Variants in RASSF4 observed in about 807,000 individuals in gnomAD.
The protein encoded by RASSF4 is ras association domain-containing protein 4.
In RASSF4, 38 loss-of-function variants were observed where a neutral mutation model predicts 41.1. The ratio of observed to expected loss-of-function variants is 0.92; its 90% confidence interval spans 0.71 to 1.21. The LOEUF is 1.21. Ranked by LOEUF, RASSF4 falls within the 50% of genes most tolerant of loss-of-function variation. The pLI is 0.00. For missense variants in RASSF4, 414 were observed against 419.4 expected, an observed-to-expected ratio of 0.99 and a Z score of 0.11; for synonymous variants, 179 against 163.4, an observed-to-expected ratio of 1.10 and a Z score of -0.73.
In RASSF4 at chr10:44,987,646, G is replaced by A. The variant is rs58667296; in HGVS notation, c.532-1628G>A. Among the ~76,000 whole-genome samples the A allele has an allele frequency of 7.5e-4, 94 of 124,910 alleles. No homozygotes were observed. In the East Asian group the frequency reaches 0.02, roughly 27 times the overall value. 81.9% of individuals were successfully genotyped at this position (124,910 alleles called of 152,430 possible). A position where few individuals can be genotyped will look rare whatever the true frequency, so the allele number is the denominator to read the frequency against. Reference sequence around the variant, plus strand: ...GTGCACTTTTTTTTTTTTTTTTGCTGCACCTGCGGTTTCTGCAAATTGAAG... The same window carrying A: ...GTGCACTTTTTTTTTTTTTTTTGCTACACCTGCGGTTTCTGCAAATTGAAG... On this transcript the variant is annotated intron_variant, in intron 6 of 10. Transcript: ENST00000340258.
rs540670999 is a variant in RASSF4 at position 44,971,484 on chromosome 10, G to A, written c.63-289G>A. ...CAGGGAGGCTGCCAGGGCCTTACCT[G>A]TGATAGTGAAAGTGTCGGCACCCTG... On this transcript the variant is annotated intron_variant, in intron 2 of 10. Coordinates refer to ENST00000340258, the MANE Select transcript of RASSF4 (RefSeq NM_032023.4). 21 of 602,706 alleles carry A rather than the reference G, an allele frequency of 3.5e-5. No individual in the cohort carries two copies. The African/African-American group carries it at 3.8e-4, about 11-fold the overall frequency. 37.3% of individuals were successfully genotyped at this position (602,706 alleles called of 1,614,324 possible). A position where few individuals can be genotyped will look rare whatever the true frequency, so the allele number is the denominator to read the frequency against.
Position 44,990,999 on chromosome 10 carries a change from A to T in RASSF4, c.737A>T (p.His246Leu). 1 of 1,613,882 alleles carries T rather than the reference A, an allele frequency of 6.2e-7. No homozygotes were observed. The change falls in exon 9 of 11, where the codon CAT becomes CTT. Residue 246 changes from histidine (H) to leucine (L), a missense_variant. Transcript: ENST00000340258. ...CEYPLISRIL[H>L]GPCEKIARIF... ...TACCCGCTGATTTCCAGAATCCTGC[A>T]TGGGCCATGTGAGAAGATCGCCAGG...
chr10:44,962,915 C>T (rs531705572), intron 1 of RASSF4, among the ~76,000 whole-genome samples: 2 of 152,330 alleles, frequency 1.3e-5, no homozygotes, highest in Admixed American at 6.5e-5. Context: ...ACTGGGAAGG[C>T]TGGTCTGCGA....
intron 3 of RASSF4, among the ~76,000 whole-genome samples, chr10:44,972,827 T>C (rs909876773): frequency 2.0e-5 from 3 of 152,222 alleles, no homozygotes; most frequent in African/African-American, 7.2e-5. Flanking sequence ...CTTGGCTCAC[T>C]AGTCCTAGTC....
Position 44,984,046 on chromosome 10 carries a change from G to C in RASSF4, c.306G>C (p.Gly102=), listed in dbSNP as rs2132794784. Residue 102 remains glycine, a synonymous_variant, in exon 5 of 11, where the codon GGG becomes GGC. Transcript: ENST00000340258. The part of the protein sequence containing the change: ...CPLKEPSPQN[G]NITAQGPSIQ... ...GAAAGGAGCCATCGCCCCAGAACGGGAACATCACAGCCCAGGGGCCAAGCA... is the reference window on the plus strand; with the variant it reads ...GAAAGGAGCCATCGCCCCAGAACGGCAACATCACAGCCCAGGGGCCAAGCA... 6.2e-7 allele frequency: 1 copy of C among 1,604,880 alleles called. No individual in the cohort carries two copies. Among genetic ancestry groups the C allele is most frequent in the Non-Finnish European group, 8.5e-7 (1 of 1,175,986 alleles).
At chr10:44,962,426 A>G (rs948538060) in intron 1 of RASSF4, among the ~76,000 whole-genome samples, 21 of 152,206 alleles carry the variant, frequency 1.4e-4, no homozygotes, top group African/African-American at 4.8e-4. Context: ...AGAGTGCACT[A>G]AGCTTTCAAG....
chr10:44,978,019 C>G (rs753894356), intron 3 of RASSF4: 2 of 1,609,260 alleles, frequency 1.2e-6, no homozygotes, highest in Non-Finnish European at 1.7e-6. Context: ...AGAGCAGAAG[C>G]CGGGACCTCA....
Position 44,982,634 on chromosome 10 carries a change from A to C in RASSF4, c.252A>C (p.Ser84=), listed in dbSNP as rs746367054. 20 of 1,613,300 alleles carry C rather than the reference A, an allele frequency of 1.2e-5. No individual in the cohort carries two copies. Among genetic ancestry groups the C allele is most frequent in the Non-Finnish European group, 1.6e-5 (19 of 1,179,558 alleles). ...DREQVHLPST[S]WMPRRPSCPL... Reference sequence around the variant, plus strand: ...AGCAGGTGCACCTCCCCTCCACCTCATGGATGCCCAGACGGCCTAGCTGCC... The same window carrying C: ...AGCAGGTGCACCTCCCCTCCACCTCCTGGATGCCCAGACGGCCTAGCTGCC... The change falls in exon 4 of 11, where the codon TCA becomes TCC. Residue 84 remains serine, a synonymous_variant. Transcript: ENST00000340258.
Position 44,993,599 on chromosome 10 carries a change from C to T in RASSF4, c.*270C>T, listed in dbSNP as rs567713008. 1.8e-4 allele frequency: 90 copies of T among 495,880 alleles called. 1 individual carries two copies. In the South Asian group the frequency reaches 2.3e-3, roughly 12 times the overall value. 30.7% of individuals were successfully genotyped at this position (495,880 alleles called of 1,614,324 possible). On this transcript the variant is annotated 3_prime_UTR_variant, in exon 11 of 11. Coordinates refer to ENST00000340258, the MANE Select transcript of RASSF4 (RefSeq NM_032023.4). ...GGCCAGCCCTGTCCACACCATGCCT[C>T]TCCTGCACTGGAGAGCAGTGCTGGC...
intron 5 of RASSF4, 137 bp downstream of exon 5, chr10:44,984,250 C>A: frequency 2.5e-6 from 2 of 814,732 alleles, no homozygotes; most frequent in Non-Finnish European, 3.7e-6. Flanking sequence ...GGACCCCTAC[C>A]CAGGTGCCTG....
chr10:44,987,662 C>T (rs1410106122), intron 6 of RASSF4, among the ~76,000 whole-genome samples: 1 of 144,496 alleles, frequency 6.9e-6, no homozygotes, highest in Non-Finnish European at 1.5e-5. Context: ...GCGGTTTCTG[C>T]AAATTGAAGG....
At chr10:44,972,368 T>C in intron 3 of RASSF4, among the ~76,000 whole-genome samples, 1 of 151,924 alleles carries the variant, frequency 6.6e-6, no homozygotes, top group Non-Finnish European at 1.5e-5. Context: ...GTGTGGGGAG[T>C]GGGTCTCCAC....
At chr10:44,993,140 C>T in intron 10 of RASSF4, 129 bp from the exon 11 acceptor site, 3 of 740,918 alleles carry the variant, frequency 4.0e-6, no homozygotes, top group Non-Finnish European at 6.8e-6. Flanking sequence ...CTTCCCCCTC[C>T]TTGGCAGAGG....
chr10:44,965,548 G>A (rs1840868769), intron 1 of RASSF4, among the ~76,000 whole-genome samples: 1 of 152,224 alleles, frequency 6.6e-6, no homozygotes, highest in Non-Finnish European at 1.5e-5. Flanking sequence ...TGAAGCTAAT[G>A]AGTGCTGGAG....
rs564637462 is a variant in RASSF4, at chr10:44,986,037, A to G, written c.531+1067A>G. On this transcript the variant is annotated intron_variant, in intron 6 of 10. Transcript: ENST00000340258. ...TTGAGTATTCTTTAAATCTTGTTCC[A>G]AAAGGGGTTTAGTGTGTAATGTGTT... 9.2e-5 allele frequency among the ~76,000 whole-genome samples: 14 copies of G among 152,348 alleles called. No homozygotes were observed. In the South Asian group the frequency reaches 2.5e-3, roughly 27 times the overall value.
At chr10:44,979,127 AC>A (rs1190872107) in intron 3 of RASSF4, among the ~76,000 whole-genome samples, 1 of 151,936 alleles carries the variant, frequency 6.6e-6, no homozygotes, top group African/African-American at 2.4e-5. Flanking sequence ...GTGTTACACC[AC>A]CCCATCATGA....
chr10:44,978,030 T>A, intron 3 of RASSF4: 1 of 1,606,202 alleles, frequency 6.2e-7, no homozygotes, highest in Non-Finnish European at 8.5e-7. Flanking sequence ...CGGGACCTCA[T>A]CACTCTGGCG....
intron 10 of RASSF4, among the ~76,000 whole-genome samples, chr10:44,992,849 C>G (rs1408654990): frequency 1.3e-5 from 2 of 152,140 alleles, no homozygotes; most frequent in East Asian, 3.9e-4. Context: ...AGTCCTGACC[C>G]CGTAAGATTT....
chr10:44,967,418 T>C (rs748608488), intron 1 of RASSF4, among the ~76,000 whole-genome samples: 12 of 152,184 alleles, frequency 7.9e-5, no homozygotes, highest in Non-Finnish European at 1.0e-4. Context: ...CCAGGGACAG[T>C]GCATGCCTCT....
Sources: allele counts gnomAD v4.1 joint callset (sites outside exome capture counted in the v4.1 genomes callset), GRCh38; gene constraint gnomAD v4.1.1; transcripts MANE v1.5; gene names NCBI Gene and HGNC (gene_info 2026-07-23, HGNC 2026-07-21).